SLC16A2: variants seen among roughly 807,000 people sequenced by gnomAD.
The protein encoded by SLC16A2 is solute carrier family 16 member 2, also known as monocarboxylate transporter 8.
SLC16A2 carries 3 observed loss-of-function variants against 27.2 expected under a neutral mutation model. That is an observed-to-expected ratio of 0.11 (90% CI 0.05 to 0.28). The LOEUF (loss-of-function observed/expected upper bound fraction) is 0.28, where lower values mean the gene tolerates loss of function less well. SLC16A2 is among the 10% of genes least tolerant of loss of function. SLC16A2 has a pLI of 1.00. For missense variants in SLC16A2, 295 were observed against 458.5 expected (o/e 0.64, Z 3.26); for synonymous variants, 202 against 187.8 (o/e 1.08, Z -0.62).
intron 1 of SLC16A2, among the ~76,000 whole-genome samples, chrX:74,466,519 T>C (rs908562455): frequency 8.9e-6 from 1 of 112,477 alleles, no homozygotes. Flanking sequence ...TTATGATACC[T>C]AATACAATGT....
At chrX:74,490,303 G>A (rs1462800252) in intron 1 of SLC16A2, among the ~76,000 whole-genome samples, 1 of 109,705 alleles carries the variant, frequency 9.1e-6, no homozygotes, top group Non-Finnish European at 1.9e-5. Context: ...CCAATGGAGT[G>A]CCCCAAAGGG....
intron 1 of SLC16A2, among the ~76,000 whole-genome samples, chrX:74,442,078 A>G (rs1039339566): frequency 9.1e-6 from 1 of 109,472 alleles, no homozygotes; most frequent in Admixed American, 9.8e-5. Flanking sequence ...GAAACACAAA[A>G]TTAGCCAGAC....
At chrX:74,450,521 C>T (rs950444132) in intron 1 of SLC16A2, among the ~76,000 whole-genome samples, 1 of 111,559 alleles carries the variant, frequency 9.0e-6, no homozygotes, top group Admixed American at 9.5e-5. Context: ...GCCGCCACCA[C>T]CCCTGCTCTG....
chrX:74,488,584 A>T (rs968815023), intron 1 of SLC16A2, among the ~76,000 whole-genome samples: 1 of 111,987 alleles, frequency 8.9e-6, no homozygotes, highest in Non-Finnish European at 1.9e-5. Flanking sequence ...TCTTAATCAT[A>T]GTCAACTAAA....
At chrX:74,447,922 G>T (rs1391597850) in intron 1 of SLC16A2, among the ~76,000 whole-genome samples, 1 of 110,731 alleles carries the variant, frequency 9.0e-6, no homozygotes, top group Non-Finnish European at 1.9e-5. Context: ...GGAGGCGGAG[G>T]TTGCAGTGAG....
At chrX:74,451,620 A>T (rs1928944052) in intron 1 of SLC16A2, among the ~76,000 whole-genome samples, 1 of 112,827 alleles carries the variant, frequency 8.9e-6, no homozygotes, top group South Asian at 3.7e-4. Flanking sequence ...ATAGTTAGTG[A>T]TGGGCCATGA....
intron 1 of SLC16A2, among the ~76,000 whole-genome samples, chrX:74,439,902 G>A (rs1297590811): frequency 1.8e-5 from 2 of 111,527 alleles, no homozygotes; most frequent in East Asian, 5.7e-4. Flanking sequence ...CCCACTTTGA[G>A]GCCAACTAGA....
intron 1 of SLC16A2, among the ~76,000 whole-genome samples, chrX:74,514,687 G>C (rs1265232867): frequency 4.5e-5 from 5 of 111,581 alleles, no homozygotes; most frequent in Non-Finnish European, 9.4e-5. Flanking sequence ...AGGAAACTGG[G>C]ACTTTCACCA....
At chrX:74,461,501 G>A (rs758112078) in intron 1 of SLC16A2, among the ~76,000 whole-genome samples, 3 of 109,421 alleles carry the variant, frequency 2.7e-5, no homozygotes, top group Non-Finnish European at 5.7e-5. Flanking sequence ...TTGGAGAGAA[G>A]GAGAGAAGCA....
chrX:74,479,044 C>G (rs1056798970), intron 1 of SLC16A2, among the ~76,000 whole-genome samples: 29 of 111,788 alleles, frequency 2.6e-4, no homozygotes, highest in African/African-American at 8.8e-4. Context: ...TTGCTAGATT[C>G]AGGAAGTTCT....
chrX:74,449,131 C>T lies in SLC16A2; in HGVS notation c.430+27064C>T, dbSNP rs533627675. Among the ~76,000 whole-genome samples, 4 of 111,497 alleles carry T rather than the reference C, an allele frequency of 3.6e-5. No homozygotes were observed. In the South Asian group the frequency reaches 1.1e-3, roughly 32 times the overall value. On this transcript the variant is annotated intron_variant, in intron 1 of 5. Transcript: ENST00000587091. Reference sequence around the variant, plus strand: ...GCATTTTTGTGCGTTAAGATGAGCTCGTGCCAAACTGGGGAGGGAAGTATG... The same window carrying T: ...GCATTTTTGTGCGTTAAGATGAGCTTGTGCCAAACTGGGGAGGGAAGTATG...
chrX:74,524,253 C>A, intron 2 of SLC16A2, 106 bp from the exon 3 acceptor site: 1 of 820,447 alleles, frequency 1.2e-6, no homozygotes. Flanking sequence ...GCAAGTGGGG[C>A]TGTGGGTTAA....
chrX:74,510,896 T>TA (rs576905046), intron 1 of SLC16A2, among the ~76,000 whole-genome samples: 6,589 of 92,970 alleles, frequency 0.071, 373 homozygotes, highest in African/African-American at 0.17. Context: ...TTCAAAAACT[T>TA]AAAAAAAAAA....
At chrX:74,488,171 A>G (rs1423581437) in intron 1 of SLC16A2, among the ~76,000 whole-genome samples, 6 of 111,771 alleles carry the variant, frequency 5.4e-5, no homozygotes, top group Admixed American at 4.8e-4. Flanking sequence ...ACTTGATTAG[A>G]GCTCCTCCAT....
At chrX:74,497,354 TC>T (rs956850256) in intron 1 of SLC16A2, among the ~76,000 whole-genome samples, 4 of 110,761 alleles carry the variant, frequency 3.6e-5, no homozygotes, top group African/African-American at 1.3e-4. Context: ...GCAATTGGTC[TC>T]CCCTCTTCAG....
chrX:74,421,831 C>A lies in SLC16A2; in HGVS notation c.194C>A (p.Pro65Gln). The A allele has an allele frequency of 8.4e-7, 1 of 1,193,858 alleles. No individual in the cohort carries two copies. Among genetic ancestry groups the A allele is most frequent in the Non-Finnish European group, 1.1e-6 (1 of 885,390 alleles). ...CCCCTACCGGACCCCGCACCCCTGC[C>A]GGAGCTGGAGTTCGAGTCCGAGCGG... ...PQPLPDPAPL[P>Q]ELEFESERVH... The change falls in exon 1 of 6, where the codon CCG becomes CAG. Residue 65 changes from proline (P) to glutamine (Q), a missense_variant. Physicochemically the swap from Pro to Gln is moderately conservative, Grantham distance 76. Transcript: ENST00000587091.
chrX:74,447,102 A>G (rs938130173), intron 1 of SLC16A2, among the ~76,000 whole-genome samples: 2 of 112,108 alleles, frequency 1.8e-5, no homozygotes, highest in Non-Finnish European at 3.8e-5. Context: ...CAGAGAATGC[A>G]TTCCTCCCCA....
chrX:74,532,731 G>C lies in SLC16A2; in HGVS notation c.*1178G>C, dbSNP rs921370126. The C allele has an allele frequency of 7.1e-5, 8 of 112,138 alleles. No individual in the cohort carries two copies. The highest frequency in any genetic ancestry group is 2.6e-4 in the African/African-American group (8 of 30,820). 9.2% of individuals were successfully genotyped at this position (112,138 alleles called of 1,213,427 possible). A position where few individuals can be genotyped will look rare whatever the true frequency, so the allele number is the denominator to read the frequency against. On this transcript the variant is annotated 3_prime_UTR_variant, in exon 6 of 6. Coordinates refer to ENST00000587091, the MANE Select transcript of SLC16A2 (RefSeq NM_006517.5). Reference sequence around the variant, plus strand: ...CAGGCAGCAGTTGCACATAGGGTTGGAAAATTTCTTTTGGGAAGGGGAAGC... The same window carrying C: ...CAGGCAGCAGTTGCACATAGGGTTGCAAAATTTCTTTTGGGAAGGGGAAGC...
At chrX:74,498,389 A>G (rs1321280246) in intron 1 of SLC16A2, among the ~76,000 whole-genome samples, 2 of 84,933 alleles carry the variant, frequency 2.4e-5, no homozygotes, top group African/African-American at 3.5e-5. Flanking sequence ...TCATGACCCA[A>G]CTGATCCTGT....
Sources: allele counts gnomAD v4.1 joint callset (sites outside exome capture counted in the v4.1 genomes callset), GRCh38; gene constraint gnomAD v4.1.1; transcripts MANE v1.5; gene names NCBI Gene and HGNC (gene_info 2026-07-23, HGNC 2026-07-21).